CCSER1: variants seen among roughly 807,000 people sequenced by gnomAD.
CCSER1 encodes serine-rich coiled-coil domain-containing protein 1.
A neutral mutation model predicts 82.0 loss-of-function variants in CCSER1; 41 were observed. The ratio of observed to expected loss-of-function variants is 0.50; its 90% CI spans 0.39 to 0.65. The LOEUF (loss-of-function observed/expected upper bound fraction) is 0.65, where lower values mean the gene tolerates loss of function less well. CCSER1 is among the 30% of genes least tolerant of loss of function. The pLI is 0.00. For missense variants in CCSER1, 1,119 were observed against 1,064.2 expected, an observed-to-expected ratio of 1.05 and a Z score of -0.72; for synonymous variants, 414 against 383.9, an observed-to-expected ratio of 1.08 and a Z score of -0.92.
intron 10 of CCSER1, among the ~76,000 whole-genome samples, chr4:91,198,922 T>G (rs1021532091): frequency 6.6e-6 from 1 of 152,182 alleles, no homozygotes; most frequent in Non-Finnish European, 1.5e-5. Flanking sequence ...CAAAAGTTTC[T>G]CTTTCCCTTT....
At chr4:90,233,688 G>C (rs1213088246) in intron 1 of CCSER1, among the ~76,000 whole-genome samples, 13 of 149,388 alleles carry the variant, frequency 8.7e-5, no homozygotes, top group South Asian at 2.1e-4. Context: ...AATCTTGAGG[G>C]TATAAAAGCC....
intron 4 of CCSER1, among the ~76,000 whole-genome samples, chr4:90,415,716 A>T (rs1264249816): frequency 6.6e-6 from 1 of 152,200 alleles, no homozygotes; most frequent in African/African-American, 2.4e-5. Context: ...ATCCATGGTA[A>T]ACTAAAACAA....
intron 3 of CCSER1, among the ~76,000 whole-genome samples, chr4:90,316,397 ACCTTGCTTGCTCT>A (rs1194976164): frequency 1.3e-5 from 2 of 152,218 alleles, no homozygotes; most frequent in Admixed American, 1.3e-4. Flanking sequence ...AAGCAATCTA[ACCTTGCTTGCTCT>A]AAGTCTAGGC....
At chr4:90,650,918 G>T (rs914147508) in intron 6 of CCSER1, among the ~76,000 whole-genome samples, 4 of 152,152 alleles carry the variant, frequency 2.6e-5, no homozygotes, top group Non-Finnish European at 5.9e-5. Context: ...ATTGCAAAAT[G>T]TTTAAGAACA....
At chr4:91,255,575 A>T (rs952400787) in intron 10 of CCSER1, among the ~76,000 whole-genome samples, 3 of 152,206 alleles carry the variant, frequency 2.0e-5, no homozygotes, top group Non-Finnish European at 4.4e-5. Context: ...TATTAGAACA[A>T]TACTACACCA....
intron 3 of CCSER1, among the ~76,000 whole-genome samples, chr4:90,385,634 T>C (rs937026305): frequency 6.6e-6 from 1 of 152,028 alleles, no homozygotes; most frequent in Non-Finnish European, 1.5e-5. Context: ...TAATTTTTTG[T>C]ATTTTTTTGG....
intron 5 of CCSER1, among the ~76,000 whole-genome samples, chr4:90,469,048 G>C (rs1764004226): frequency 1.3e-5 from 2 of 152,036 alleles, no homozygotes; most frequent in Non-Finnish European, 2.9e-5. Flanking sequence ...GTGAGAAATA[G>C]TATCATGCCT....
At chr4:90,684,756 C>T (rs559775087) in intron 6 of CCSER1, among the ~76,000 whole-genome samples, 1 of 152,012 alleles carries the variant, frequency 6.6e-6, no homozygotes, top group South Asian at 2.1e-4. Flanking sequence ...ATCATGGGGG[C>T]AGATATTTCC....
chr4:91,066,655 C>T (rs969025426), intron 9 of CCSER1, among the ~76,000 whole-genome samples: 9 of 152,112 alleles, frequency 5.9e-5, no homozygotes, highest in Admixed American at 5.2e-4. Context: ...ATAATAGGGA[C>T]CTTTACCAAC....
chr4:91,363,354 AT>A (rs72125833), intron 10 of CCSER1, among the ~76,000 whole-genome samples: 1 of 141,336 alleles, frequency 7.1e-6, no homozygotes, highest in Non-Finnish European at 1.6e-5. Flanking sequence ...GGATGGAGAT[AT>A]TTTGTGTGTG....
chr4:91,064,396 A>G (rs1470373871), intron 9 of CCSER1, among the ~76,000 whole-genome samples: 1 of 152,244 alleles, frequency 6.6e-6, no homozygotes, highest in East Asian at 1.9e-4. Context: ...GAGAAAAGAC[A>G]CATCCAGCAA....
intron 6 of CCSER1, among the ~76,000 whole-genome samples, chr4:90,635,769 G>T (rs1018788113): frequency 6.6e-6 from 1 of 151,778 alleles, no homozygotes; most frequent in Admixed American, 6.6e-5. Context: ...TAGAAGATTT[G>T]TAATGTTCCC....
chr4:91,147,938 A>G (rs920707391), intron 10 of CCSER1, among the ~76,000 whole-genome samples: 1 of 152,216 alleles, frequency 6.6e-6, no homozygotes, highest in African/African-American at 2.4e-5. Flanking sequence ...CTTAAGATGT[A>G]ATGTTTTTAA....
intron 8 of CCSER1, among the ~76,000 whole-genome samples, chr4:90,869,075 G>A (rs1040259775): frequency 2.0e-5 from 3 of 151,918 alleles, no homozygotes; most frequent in South Asian, 2.1e-4. Flanking sequence ...CTATAGAGTA[G>A]TTTAAGCTTC....
chr4:90,720,325 A>ACTGGGTGTTAGTAAGGATAT (rs1194364401), intron 6 of CCSER1, among the ~76,000 whole-genome samples: 2 of 152,062 alleles, frequency 1.3e-5, no homozygotes, highest in South Asian at 4.2e-4. Flanking sequence ...AGACCTAGGC[A>ACTGGGTGTTAGTAAGGATAT]CTGGGTGTTA....
chr4:90,954,180 C>A (rs1733199724), intron 9 of CCSER1, among the ~76,000 whole-genome samples: 1 of 151,870 alleles, frequency 6.6e-6, no homozygotes, highest in South Asian at 2.1e-4. Flanking sequence ...GTTATCAGTT[C>A]CTTCATATGT....
At chr4:90,696,738 A>G (rs1363622546) in intron 6 of CCSER1, among the ~76,000 whole-genome samples, 3 of 152,090 alleles carry the variant, frequency 2.0e-5, no homozygotes, top group Non-Finnish European at 4.4e-5. Flanking sequence ...CCTTCCAACA[A>G]CCTTTAAGAG....
chr4:90,344,877 T>C (rs977387981), intron 3 of CCSER1, among the ~76,000 whole-genome samples: 1 of 152,136 alleles, frequency 6.6e-6, no homozygotes, highest in Admixed American at 6.5e-5. Flanking sequence ...AAATATGCTA[T>C]TTTTACAGAA....
chr4:91,416,728 C>A (rs1339533618), intron 10 of CCSER1, among the ~76,000 whole-genome samples: 1 of 151,858 alleles, frequency 6.6e-6, no homozygotes, highest in Non-Finnish European at 1.5e-5. Context: ...GACTTGACTG[C>A]AAAACCAAAA....
Sources: allele counts gnomAD v4.1 joint callset (sites outside exome capture counted in the v4.1 genomes callset), GRCh38; gene constraint gnomAD v4.1.1; transcripts MANE v1.5; gene names NCBI Gene and HGNC (gene_info 2026-07-23, HGNC 2026-07-21).